PCDHGB1: variants seen among roughly 807,000 people sequenced by gnomAD.
PCDHGB1 encodes protocadherin gamma subfamily B, 1.
A neutral mutation model predicts 56.6 loss-of-function variants in PCDHGB1; 34 were observed. The ratio of observed to expected loss-of-function variants is 0.60; its 90% CI spans 0.46 to 0.80. The LOEUF is 0.80. PCDHGB1 is among the 30% of genes least tolerant of loss of function. PCDHGB1 has a pLI of 0.00. For synonymous variants in PCDHGB1, 561 were observed against 505.9 expected (o/e 1.11, Z -1.46); for missense variants, 1,278 against 1,204.6 (o/e 1.06, Z -0.90).
chr5:141,392,877 A>T, intron 1 of PCDHGB1: 1 of 1,613,506 alleles, frequency 6.2e-7, no homozygotes, highest in Non-Finnish European at 8.5e-7. Flanking sequence ...GCTGCTGGGA[A>T]CGCTGTGGGA....
At chr5:141,386,956 G>A (rs1561613070) in intron 1 of PCDHGB1, among the ~76,000 whole-genome samples, 1 of 152,208 alleles carries the variant, frequency 6.6e-6, no homozygotes, top group Non-Finnish European at 1.5e-5. Context: ...CTTCAGTGCA[G>A]CAGATCTCAG....
In PCDHGB1 at chr5:141,418,134, G is replaced by A. The variant is rs367774534; in HGVS notation, c.2409+65465G>A. ...TTACTTGTGAAGGACCGAATAGACC[G>A]TGAGCAAATATGCAAAGAGAGAAGA... On this transcript the variant is annotated intron_variant, in intron 1 of 3. Transcript: ENST00000523390. The A allele has an allele frequency of 3.1e-6, 5 of 1,613,970 alleles. No individual in the cohort carries two copies. In the African/African-American group the frequency reaches 4.0e-5, roughly 13 times the overall value.
intron 1 of PCDHGB1, chr5:141,362,030 T>C: frequency 1.2e-6 from 2 of 1,608,762 alleles, no homozygotes; most frequent in South Asian, 1.1e-5. Context: ...GCGCGTGCCT[T>C]GGGCGACAGG....
chr5:141,376,208 A>G, intron 1 of PCDHGB1: 1 of 1,614,128 alleles, frequency 6.2e-7, no homozygotes, highest in Non-Finnish European at 8.5e-7. Context: ...GGCCTTCGTC[A>G]TCGTGCTGCT....
rs1358954122 is a variant in PCDHGB1, at chr5:141,491,553, C to T, written c.2410-3254C>T. On this transcript the variant is annotated intron_variant, in intron 1 of 3. Coordinates refer to ENST00000523390, the MANE Select transcript of PCDHGB1 (RefSeq NM_018922.3). This position sits in a 1 kb window ranked among gnomAD's most constrained non-coding sequence, Gnocchi z 6.9. ...CGCTGCGGCCCACAGACTCGCAGAG[C>T]CACTGCTACAGGACGTGCTTTTCAC... The T allele has an allele frequency of 6.2e-7, 1 of 1,613,954 alleles. No homozygotes were observed.
In PCDHGB1 at chr5:141,485,569, T is replaced by C; in HGVS notation, c.2410-9238T>C. The C allele has an allele frequency of 6.2e-7, 1 of 1,612,664 alleles. No individual in the cohort carries two copies. Among genetic ancestry groups the C allele is most frequent in the Non-Finnish European group, 8.5e-7 (1 of 1,178,890 alleles). ...TAGATGTGAATGATCACGCCCCCCG[T>C]TTTCCGCGGCAGCAGCTGGACTTGG... On this transcript the variant is annotated intron_variant, in intron 1 of 3. Coordinates refer to ENST00000523390, the MANE Select transcript of PCDHGB1 (RefSeq NM_018922.3). This position sits in a 1 kb window ranked among gnomAD's most constrained non-coding sequence, Gnocchi z 5.7.
In PCDHGB1 at chr5:141,431,675, G is replaced by A. The variant is rs778040824; in HGVS notation, c.2410-63132G>A. Reference sequence around the variant, plus strand: ...TTCAGGGACAATATCAACAATAGGGGAGTTGGACCACGAGGAGTCAGGATT... The same window carrying A: ...TTCAGGGACAATATCAACAATAGGGAAGTTGGACCACGAGGAGTCAGGATT... On this transcript the variant is annotated intron_variant, in intron 1 of 3. Coordinates refer to ENST00000523390, the MANE Select transcript of PCDHGB1 (RefSeq NM_018922.3). The surrounding 1 kb of genome is among the most constrained non-coding windows in gnomAD (Gnocchi z 4.8). 5.6e-6 allele frequency: 9 copies of A among 1,614,230 alleles called. No homozygotes were observed. Among genetic ancestry groups the A allele is most frequent in the Admixed American group, 1.7e-5 (1 of 60,028 alleles).
Position 141,491,547 on chromosome 5 carries a change from G to A in PCDHGB1, c.2410-3260G>A. On this transcript the variant is annotated intron_variant, in intron 1 of 3. Transcript: ENST00000523390. This position sits in a 1 kb window ranked among gnomAD's most constrained non-coding sequence, Gnocchi z 6.9. ...AGGTGACGCTGCGGCCCACAGACTC[G>A]CAGAGCCACTGCTACAGGACGTGCT... is the stretch of plus-strand genomic sequence containing the variant. The A allele has an allele frequency of 4.3e-6, 7 of 1,613,974 alleles. No individual in the cohort carries two copies. The highest frequency in any genetic ancestry group is 5.9e-6 in the Non-Finnish European group (7 of 1,180,022).
chr5:141,356,134 T>C (rs767798294), intron 1 of PCDHGB1: 9 of 1,613,788 alleles, frequency 5.6e-6, no homozygotes, highest in Non-Finnish European at 7.6e-6. Context: ...TTATGAGGAC[T>C]CTGGATTCTA....
Position 141,352,097 on chromosome 5 carries a change from T to C in PCDHGB1, c.1837T>C (p.Phe613Leu), listed in dbSNP as rs761063437. The change falls in exon 1 of 4, where the codon TTC becomes CTC. Residue 613 changes from phenylalanine (F) to leucine (L), a missense_variant. Coordinates refer to ENST00000523390, the MANE Select transcript of PCDHGB1 (RefSeq NM_018922.3). ...GCTGCAGGCCAGCGAGCCCGGGCTC[T>C]TCAGCCTGGGGTTGCGCACGGGTGA... ...HVLQASEPGL[F>L]SLGLRTGEVR... 1 of 1,605,856 alleles carries C rather than the reference T, an allele frequency of 6.2e-7. No homozygotes were observed. Among genetic ancestry groups the C allele is most frequent in the Non-Finnish European group, 8.5e-7 (1 of 1,176,910 alleles).
At chr5:141,423,256 G>C (rs751894091) in intron 1 of PCDHGB1, 1 of 1,613,934 alleles carries the variant, frequency 6.2e-7, no homozygotes. Flanking sequence ...GGCGGACCTC[G>C]GCAGCCTCGA....
intron 2 of PCDHGB1, among the ~76,000 whole-genome samples, chr5:141,498,825 C>A (rs2099786017): frequency 6.6e-6 from 1 of 151,974 alleles, no homozygotes; most frequent in Admixed American, 6.6e-5. Flanking sequence ...CCCAGCTACT[C>A]AGGAGGCTGA....
At chr5:141,447,283 G>T (rs1194678678) in intron 1 of PCDHGB1, among the ~76,000 whole-genome samples, 1 of 152,122 alleles carries the variant, frequency 6.6e-6, no homozygotes, top group East Asian at 1.9e-4. Context: ...GGGACTACAG[G>T]CACATGCCAC....
Position 141,490,198 on chromosome 5 carries a change from G to A in PCDHGB1, c.2410-4609G>A. ...GGAGTCACGTTTCTATGAAATTCAT[G>A]CAAGAGCCCGTGACCAGGGACAGCC... On this transcript the variant is annotated intron_variant, in intron 1 of 3. Coordinates refer to ENST00000523390, the MANE Select transcript of PCDHGB1 (RefSeq NM_018922.3). The surrounding 1 kb of genome is among the most constrained non-coding windows in gnomAD (Gnocchi z 5.4). The A allele has an allele frequency of 6.2e-7, 1 of 1,614,208 alleles. No homozygotes were observed. Among genetic ancestry groups the A allele is most frequent in the Non-Finnish European group, 8.5e-7 (1 of 1,180,038 alleles).
chr5:141,365,232 T>A (rs762059066), intron 1 of PCDHGB1: 2 of 1,613,878 alleles, frequency 1.2e-6, no homozygotes, highest in East Asian at 4.5e-5. Flanking sequence ...CTGGGGGAAA[T>A]CTCAACTCTA....
intron 1 of PCDHGB1, among the ~76,000 whole-genome samples, chr5:141,402,429 T>C (rs2094263946): frequency 6.6e-6 from 1 of 151,986 alleles, no homozygotes; most frequent in Admixed American, 6.6e-5. Flanking sequence ...AATTGAAGCA[T>C]CATAAAAAGG....
At chr5:141,502,074 C>G (rs73794927) in intron 2 of PCDHGB1, among the ~76,000 whole-genome samples, 1,657 of 152,272 alleles carry the variant, frequency 0.011, 27 homozygotes, top group African/African-American at 0.037. Flanking sequence ...CCCCCTTCAC[C>G]TGGGGCTGAG....
chr5:141,377,241 ATTTGTAAGGTTCTTTCTTT>A (rs1413175738), intron 1 of PCDHGB1: 3 of 151,708 alleles, frequency 2.0e-5, no homozygotes, highest in Non-Finnish European at 4.4e-5. Context: ...ACTATGTGAC[ATTTGTAAGGTTCTTTCTTT>A]TTCTAATGTG....
intron 1 of PCDHGB1, among the ~76,000 whole-genome samples, chr5:141,437,364 T>G (rs1026384836): frequency 6.6e-6 from 1 of 152,232 alleles, no homozygotes; most frequent in Non-Finnish European, 1.5e-5. Context: ...AAAATTGGAA[T>G]GTAATCAGTC....
Sources: gnomAD v4.1 joint callset for allele counts (sites outside exome capture counted in the v4.1 genomes callset) on GRCh38, gnomAD v4.1.1 for gene constraint, Gnocchi (gnomAD v3.1) non-coding constraint, MANE v1.5 for transcripts, NCBI Gene and HGNC (gene_info 2026-07-23, HGNC 2026-07-21) for gene names.